The following NSD1 variants were observed in gnomAD, a reference collection of about 807,000 sequenced individuals.
NSD1 encodes nuclear receptor binding SET domain protein 1, also known as histone-lysine N-methyltransferase, H3 lysine-36 specific.
NSD1 carries 26 observed loss-of-function variants against 242.7 expected under a neutral mutation model. The ratio of observed to expected loss-of-function variants is 0.11; its 90% confidence interval spans 0.08 to 0.15. NSD1 has a LOEUF of 0.15. Among genes scored for constraint, NSD1 ranks in the 10% least tolerant of loss-of-function variants. The pLI, the probability that NSD1 is intolerant of heterozygous loss-of-function variation, is 1.00. For synonymous variants in NSD1, 1,106 were observed against 1,178.1 expected, an observed-to-expected ratio of 0.94 and a Z score of 1.25; for missense variants, 2,495 against 3,272.8, an observed-to-expected ratio of 0.76 and a Z score of 5.80.
chr5:177,176,333 C>A (rs1227698501), intron 2 of NSD1, among the ~76,000 whole-genome samples: 1 of 151,710 alleles, frequency 6.6e-6, no homozygotes, highest in African/African-American at 2.4e-5. Flanking sequence ...GATCTCGGCT[C>A]ACTGCAACAT....
At chr5:177,132,599 G>T (rs1187108569), upstream of NSD1, among the ~76,000 whole-genome samples, 1 of 151,968 alleles carries the variant, frequency 6.6e-6, no homozygotes, top group African/African-American at 2.4e-5. This position sits in a 1 kb window ranked among gnomAD's most constrained non-coding sequence, Gnocchi z 7.5. Context: ...CTCCCTGGGC[G>T]GGGGCCGCAC....
chr5:177,132,401 C>T (rs1383364162), upstream of NSD1, among the ~76,000 whole-genome samples: 2 of 151,404 alleles, frequency 1.3e-5, no homozygotes, highest in Admixed American at 1.3e-4. The surrounding 1 kb of genome is among the most constrained non-coding windows in gnomAD (Gnocchi z 7.5). Flanking sequence ...CATACCCACG[C>T]CGGCCGGCGC....
chr5:177,257,033 T>C lies in NSD1; in HGVS notation c.4848T>C (p.His1616=), dbSNP rs886482020. The part of the protein sequence containing the change: ...CLLPLCGKFY[H]EECVQKYPPT... Reference sequence around the variant, plus strand: ...TACCCTTGTGTGGAAAGTTTTACCATGAAGAGTGTGTCCAGAAGTACCCAC... The same window carrying C: ...TACCCTTGTGTGGAAAGTTTTACCACGAAGAGTGTGTCCAGAAGTACCCAC... Residue 1616 remains histidine, a synonymous_variant, in exon 13 of 23, where the codon CAT becomes CAC. Coordinates refer to ENST00000439151, the MANE Select transcript of NSD1 (RefSeq NM_022455.5). 1 of 1,613,938 alleles carries C rather than the reference T, an allele frequency of 6.2e-7. No homozygotes were observed. The highest frequency in any genetic ancestry group is 2.2e-5 in the East Asian group (1 of 44,884).
chr5:177,246,903 G>C (rs1443981680), intron 10 of NSD1, 107 bp downstream of exon 10: 6 of 821,106 alleles, frequency 7.3e-6, no homozygotes, highest in African/African-American at 1.7e-5. Context: ...CTATTCTACT[G>C]AAATGGCTGA....
At chr5:177,257,669 C>T (rs1756601487) in intron 13 of NSD1, among the ~76,000 whole-genome samples, 1 of 152,110 alleles carries the variant, frequency 6.6e-6, no homozygotes, top group South Asian at 2.1e-4. Context: ...CAGGCAATGC[C>T]AGGGCTCCAT....
At chr5:177,271,008 T>C (rs1467120127) in intron 16 of NSD1, among the ~76,000 whole-genome samples, 1 of 152,172 alleles carries the variant, frequency 6.6e-6, no homozygotes, top group Non-Finnish European at 1.5e-5. Context: ...TATTTTGGCC[T>C]GCACAGAGCT....
chr5:177,172,284 G>A (rs1759776077), intron 2 of NSD1, among the ~76,000 whole-genome samples: 1 of 151,934 alleles, frequency 6.6e-6, no homozygotes, highest in Admixed American at 6.6e-5. Context: ...CAAGGTGGGA[G>A]AATTTCTTGA....
At chr5:177,182,795 G>T (rs943152340) in intron 2 of NSD1, among the ~76,000 whole-genome samples, 1 of 151,954 alleles carries the variant, frequency 6.6e-6, no homozygotes, top group African/African-American at 2.4e-5. Context: ...CTGCCATTAC[G>T]CCTGGCTAAT....
chr5:177,202,073 C>T (rs926302628), intron 3 of NSD1, among the ~76,000 whole-genome samples: 1 of 151,446 alleles, frequency 6.6e-6, no homozygotes, highest in African/African-American at 2.4e-5. Flanking sequence ...GAGGCTGAGG[C>T]GGGAGAATCG....
At position 177,294,818 on chromosome 5, in the gene NSD1, C is replaced by G. The variant is rs1377555667; in HGVS notation, c.7450C>G (p.Pro2484Ala). 1.9e-6 allele frequency: 3 copies of G among 1,612,570 alleles called. No individual in the cohort carries two copies. Among genetic ancestry groups the G allele is most frequent in the Non-Finnish European group, 2.5e-6 (3 of 1,180,044 alleles). ...QVTPQADEKM[P>A]VLESSSWPAS... ...CACACCACAGGCTGATGAGAAGATG[C>G]CAGTGTTGGAGTCAAGTTCATGGCC... The change falls in exon 23 of 23, where the codon CCA (proline) becomes GCA (alanine). Residue 2484 changes from proline (P) to alanine (A), a missense_variant. Physicochemically the swap from Pro to Ala is conservative, Grantham distance 27. This residue lies in a region of NSD1 where 475 missense variants were observed against 563.7 expected (regional missense o/e 0.84). Coordinates refer to ENST00000439151, the MANE Select transcript of NSD1 (RefSeq NM_022455.5).
At chr5:177,218,820 C>T (rs551758663) in intron 5 of NSD1, among the ~76,000 whole-genome samples, 4 of 151,952 alleles carry the variant, frequency 2.6e-5, no homozygotes, top group Admixed American at 6.6e-5. Context: ...CCGCCCTCCT[C>T]GGCCTCTCAA....
chr5:177,265,753 C>A lies in NSD1; in HGVS notation c.5147-1809C>A, dbSNP rs528077787. 366 of 1,524,380 alleles carry A rather than the reference C, an allele frequency of 2.4e-4. 2 individuals carry two copies. The South Asian group carries it at 3.9e-3, about 16-fold the overall frequency. 94.4% of individuals were successfully genotyped at this position (1,524,380 alleles called of 1,614,324 possible). A position where few individuals can be genotyped will look rare whatever the true frequency, so the allele number is the denominator to read the frequency against. The stretch of plus-strand genomic sequence containing the variant: ...TGTAGAACACCGTCTGCTTCCAGTG[C>A]GTGTACAGGGACTCGGGTATGGTGG... On this transcript the variant is annotated intron_variant, in intron 14 of 22. Transcript: ENST00000439151.
chr5:177,168,200 G>C (rs1759365377), intron 2 of NSD1, among the ~76,000 whole-genome samples: 1 of 152,044 alleles, frequency 6.6e-6, no homozygotes. Context: ...ACTTTTCACA[G>C]CCTAGGTTAA....
Position 177,211,133 on chromosome 5 carries a change from A to G in NSD1, c.2734A>G (p.Met912Val). 6.2e-7 allele frequency: 1 copy of G among 1,614,182 alleles called. No individual in the cohort carries two copies. The highest frequency in any genetic ancestry group is 8.5e-7 in the Non-Finnish European group (1 of 1,180,020). ...EPDYKFSTLL[M>V]MLKDMHDSKT... ...AGACTACAAATTCAGTACATTGCTA[A>G]TGATGTTGAAAGATATGCATGATAG... The change falls in exon 5 of 23, where the codon ATG (methionine) becomes GTG (valine). Residue 912 changes from methionine to valine, a missense_variant. By Grantham distance (21) the Met-to-Val change is conservative (BLOSUM62 1). Coordinates refer to ENST00000439151, the MANE Select transcript of NSD1 (RefSeq NM_022455.5).
intron 8 of NSD1, among the ~76,000 whole-genome samples, chr5:177,242,037 C>T (rs1334040656): frequency 6.6e-6 from 1 of 152,066 alleles, no homozygotes; most frequent in Non-Finnish European, 1.5e-5. Context: ...TCATTCTAAA[C>T]AGAATAGTTT....
At chr5:177,251,953 G>GTAA in intron 12 of NSD1, 100 bp downstream of exon 12, 1 of 1,441,144 alleles carries the variant, frequency 6.9e-7, no homozygotes, top group South Asian at 1.2e-5. Flanking sequence ...GCAACACTGG[G>GTAA]CTAGTTGTTA....
chr5:177,213,349 A>G (rs180924931), intron 5 of NSD1, among the ~76,000 whole-genome samples: 2 of 152,346 alleles, frequency 1.3e-5, no homozygotes, highest in African/African-American at 4.8e-5. Context: ...TAACGTTTTT[A>G]ATTGAGTGGT....
chr5:177,283,290 C>T (rs1410910911), intron 19 of NSD1, among the ~76,000 whole-genome samples: 2 of 152,164 alleles, frequency 1.3e-5, no homozygotes, highest in Non-Finnish European at 2.9e-5. Context: ...TGGTATTTAC[C>T]TTTGTAAACA....
chr5:177,245,320 C>G (rs1399226155), intron 9 of NSD1, among the ~76,000 whole-genome samples: 2 of 152,172 alleles, frequency 1.3e-5, no homozygotes, highest in Non-Finnish European at 2.9e-5. Flanking sequence ...ACAACATGAA[C>G]TTTATCCATT....
Sources: gnomAD v4.1 joint callset for allele counts (sites outside exome capture counted in the v4.1 genomes callset) on GRCh38, gnomAD v4.1.1 for gene constraint, gnomAD v4.1.1 regional missense constraint, Gnocchi (gnomAD v3.1) non-coding constraint, MANE v1.5 for transcripts, NCBI Gene and HGNC (gene_info 2026-07-23, HGNC 2026-07-21) for gene names.